OR51B5: variants seen among roughly 807,000 people sequenced by gnomAD.
The protein encoded by OR51B5 is olfactory receptor family 51 subfamily B member 5.
For synonymous variants in OR51B5, 186 were observed against 144.8 expected (o/e 1.28, Z -2.04); for missense variants, 456 against 374.6 (o/e 1.22, Z -1.79).
chr11:5,368,416 C>T (rs1336203671), intron 1 of OR51B5, among the ~76,000 whole-genome samples: 5 of 152,026 alleles, frequency 3.3e-5, no homozygotes, highest in Admixed American at 1.3e-4. Flanking sequence ...ATATGTCTAA[C>T]GTGTTCAATA....
At chr11:5,390,116 C>T (rs750235724) in intron 1 of OR51B5, 3 of 1,613,858 alleles carry the variant, frequency 1.9e-6, no homozygotes, top group Non-Finnish European at 2.5e-6. Context: ...AGTAGCAGGC[C>T]TGGCCTCCCA....
At chr11:5,345,736 A>ACC (rs1289365509), upstream of OR51B5, 2 of 152,278 alleles carry the variant, frequency 1.3e-5, no homozygotes, top group Non-Finnish European at 2.9e-5. Context: ...GTAAGGCACT[A>ACC]CCCTAAAGAT....
chr11:5,346,296 C>G (rs1473107176), upstream of OR51B5: 8 of 152,216 alleles, frequency 5.3e-5, no homozygotes, highest in Non-Finnish European at 1.2e-4. Flanking sequence ...TCTATGGAAT[C>G]ACTCTACTTT....
chr11:5,446,749 C>T lies in OR51B5; in HGVS notation n.84+58820G>A, dbSNP rs118011285. On this transcript the variant is annotated intron_variant and non_coding_transcript_variant, in intron 1 of 4. Coordinates refer to the OR51B5 transcript ENST00000415970. ...TTCTAGGGACATCTATTTCTTCCCC[C>T]ACAGGACTCTCTGTCCAGTGGATGC... 4.2e-3 allele frequency among the ~76,000 whole-genome samples: 640 copies of T among 152,314 alleles called. 3 individuals carry two copies. Among genetic ancestry groups the T allele is most frequent in the Non-Finnish European group, 6.6e-3 (448 of 68,022 alleles).
At chr11:5,468,220 A>G (rs1012673753) in intron 1 of OR51B5, among the ~76,000 whole-genome samples, 1 of 152,236 alleles carries the variant, frequency 6.6e-6, no homozygotes, top group Non-Finnish European at 1.5e-5. Context: ...CATTGGGACA[A>G]AAAGGATTCA....
chr11:5,402,076 A>G (rs547748171), intron 1 of OR51B5, among the ~76,000 whole-genome samples: 13 of 150,888 alleles, frequency 8.6e-5, no homozygotes, highest in Non-Finnish European at 1.5e-5. Flanking sequence ...TAGGCGTGCA[A>G]TCCTGGCTCA....
chr11:5,420,381 G>T (rs997159641), intron 1 of OR51B5, among the ~76,000 whole-genome samples: 5 of 151,818 alleles, frequency 3.3e-5, no homozygotes, highest in Admixed American at 1.3e-4. Flanking sequence ...TTGCATTTTT[G>T]GATGCAGTTG....
chr11:5,358,987 C>T (rs551059216), intron 1 of OR51B5, among the ~76,000 whole-genome samples: 10 of 151,700 alleles, frequency 6.6e-5, no homozygotes, highest in South Asian at 4.2e-4. Context: ...ATTGATGGGA[C>T]GTATCTCAAA....
At chr11:5,447,062 C>T (rs1850777147) in intron 1 of OR51B5, among the ~76,000 whole-genome samples, 2 of 152,144 alleles carry the variant, frequency 1.3e-5, no homozygotes, top group African/African-American at 2.4e-5. Context: ...CAAGTTGATG[C>T]TTTGCATGGT....
At chr11:5,407,839 T>C (rs894388105) in intron 1 of OR51B5, among the ~76,000 whole-genome samples, 3 of 152,122 alleles carry the variant, frequency 2.0e-5, no homozygotes, top group African/African-American at 7.2e-5. Flanking sequence ...AATTACCATA[T>C]ATTTCCTCTC....
chr11:5,431,768 A>T (rs1421554508), intron 1 of OR51B5, among the ~76,000 whole-genome samples: 3 of 152,236 alleles, frequency 2.0e-5, no homozygotes, highest in Non-Finnish European at 4.4e-5. Context: ...GAATAAAAGT[A>T]TAACAGACAT....
intron 1 of OR51B5, among the ~76,000 whole-genome samples, chr11:5,488,477 A>G (rs1398351734): frequency 1.3e-5 from 2 of 152,214 alleles, no homozygotes; most frequent in Non-Finnish European, 2.9e-5. Flanking sequence ...TGCTTTGGAT[A>G]TAGAACTCAA....
At chr11:5,441,344 C>T in intron 1 of OR51B5, 1 of 1,613,932 alleles carries the variant, frequency 6.2e-7, no homozygotes, top group South Asian at 1.1e-5. Context: ...TGGGCTGATG[C>T]AGAGCAGGCT....
intron 1 of OR51B5, among the ~76,000 whole-genome samples, chr11:5,462,858 C>T (rs1282479461): frequency 6.6e-6 from 1 of 152,194 alleles, no homozygotes; most frequent in East Asian, 1.9e-4. Flanking sequence ...CTCGTAAATG[C>T]TTTCAGGATT....
chr11:5,393,013 T>A (rs1462027335), intron 1 of OR51B5: 1 of 152,252 alleles, frequency 6.6e-6, no homozygotes, highest in Non-Finnish European at 1.5e-5. Flanking sequence ...TTAATTTGCC[T>A]TTTATAAAAA....
intron 1 of OR51B5, chr11:5,454,091 T>G (rs1850910000): frequency 6.2e-7 from 1 of 1,614,108 alleles, no homozygotes; most frequent in Admixed American, 1.7e-5. Flanking sequence ...ATGGACTCTT[T>G]GTTCTTGTAT....
At chr11:5,441,094 T>A (rs759022147) in intron 1 of OR51B5, 1 of 1,614,002 alleles carries the variant, frequency 6.2e-7, no homozygotes, top group South Asian at 1.1e-5. Context: ...AATATACGGT[T>A]GTGAGTGAGC....
chr11:5,447,246 T>G (rs1381438280), intron 1 of OR51B5, among the ~76,000 whole-genome samples: 1 of 152,158 alleles, frequency 6.6e-6, no homozygotes, highest in Non-Finnish European at 1.5e-5. Flanking sequence ...ATCCAATCAT[T>G]ACTTGAAGAA....
intron 1 of OR51B5, among the ~76,000 whole-genome samples, chr11:5,446,037 T>G (rs932601700): frequency 6.6e-6 from 1 of 151,928 alleles, no homozygotes; most frequent in Non-Finnish European, 1.5e-5. Context: ...TTCTCACTCA[T>G]AGGTGGGAAT....
Sources: gnomAD v4.1 joint callset for allele counts (sites outside exome capture counted in the v4.1 genomes callset) on GRCh38, gnomAD v4.1.1 for gene constraint, MANE v1.5 for transcripts, NCBI Gene and HGNC (gene_info 2026-07-23, HGNC 2026-07-21) for gene names.